The following DOHH variants were observed in gnomAD, a reference collection of about 807,000 sequenced individuals.
DOHH encodes the protein HEAT-like (PBS lyase) repeat containing 1.
Under a neutral mutation model 19.9 loss-of-function variants are expected in DOHH, and 16 were observed. That is an observed-to-expected ratio of 0.80 (90% confidence interval 0.54 to 1.22). The LOEUF (loss-of-function observed/expected upper bound fraction) is 1.22, where lower values mean the gene tolerates loss of function less well. DOHH is among the 50% of genes most tolerant of loss of function. DOHH has a pLI of 0.00. For synonymous variants in DOHH, 233 were observed against 217.0 expected (o/e 1.07, Z -0.65); for missense variants, 460 against 460.6 (o/e 1.00, Z 0.01).
At chr19:3,498,615 G>C (rs2082927378) in intron 1 of DOHH, among the ~76,000 whole-genome samples, 1 of 152,108 alleles carries the variant, frequency 6.6e-6, no homozygotes, top group African/African-American at 2.4e-5. Context: ...ATGTTGGTCA[G>C]GCTGGTCTCG....
chr19:3,497,912 T>G (rs913682595), intron 1 of DOHH, among the ~76,000 whole-genome samples: 4 of 152,192 alleles, frequency 2.6e-5, no homozygotes, highest in African/African-American at 9.7e-5. Flanking sequence ...ATTACAGGCA[T>G]CAGCCACTAC....
rs1183468032 is a variant in DOHH at position 3,491,529 on chromosome 19, G to A, written c.872C>T (p.Ala291Val). Residue 291 changes from alanine to valine, a missense_variant, in exon 5 of 5, where the codon GCG (alanine) becomes GTG (valine). Coordinates refer to ENST00000427575, the MANE Select transcript of DOHH (RefSeq NM_001145165.2). The surrounding 1 kb of genome is among the most constrained non-coding windows in gnomAD (Gnocchi z 5.6). ...EHETGRAFQY[A>V]DGLEQLRGAP... ...CCCGCGCAGCTGCTCCAGGCCGTCCGCGTACTGGAAGGCCCGCCCGGTCTC... is the reference window on the plus strand; with the variant it reads ...CCCGCGCAGCTGCTCCAGGCCGTCCACGTACTGGAAGGCCCGCCCGGTCTC... 2.0e-6 allele frequency: 3 copies of A among 1,535,490 alleles called. No homozygotes were observed. The highest frequency in any genetic ancestry group is 2.0e-5 in the Admixed American group (1 of 50,974).
At chr19:3,493,755 A>AG (rs1398822944) in intron 3 of DOHH, among the ~76,000 whole-genome samples, 2 of 152,046 alleles carry the variant, frequency 1.3e-5, no homozygotes, top group Non-Finnish European at 2.9e-5. Flanking sequence ...GTTCAGAGAA[A>AG]GGGGGTCAGG....
intron 1 of DOHH, among the ~76,000 whole-genome samples, chr19:3,498,584 T>C (rs1259750011): frequency 6.6e-6 from 1 of 152,134 alleles, no homozygotes; most frequent in Non-Finnish European, 1.5e-5. Context: ...TTTGTATTTT[T>C]AGTAGAGACA....
intron 2 of DOHH, among the ~76,000 whole-genome samples, chr19:3,495,795 T>C (rs1257005586): frequency 6.6e-6 from 1 of 151,724 alleles, no homozygotes; most frequent in African/African-American, 2.4e-5. Context: ...TGTAACGCTA[T>C]CTACTTGGGA....
chr19:3,491,712 G>A lies in DOHH; in HGVS notation c.689C>T (p.Ala230Val), dbSNP rs1299780428. The change falls in exon 5 of 5, where the codon GCC becomes GTC. Residue 230 changes from alanine to valine, a missense_variant. Physicochemically the swap from Ala to Val is moderately conservative, Grantham distance 64. Coordinates refer to ENST00000427575, the MANE Select transcript of DOHH (RefSeq NM_001145165.2). This position sits in a 1 kb window ranked among gnomAD's most constrained non-coding sequence, Gnocchi z 5.6. The stretch of plus-strand genomic sequence containing the variant: ...CACCATGGGGTTCTCGGTGCATCGG[G>A]CCAGGGCGGCCGCCAGCTGGGGCAC... The part of the protein sequence containing the change: ...AAVPQLAAAL[A>V]RCTENPMVRH... 6 of 1,515,280 alleles carry A rather than the reference G, an allele frequency of 4.0e-6. No homozygotes were observed. The East Asian group carries it at 1.3e-4, about 32-fold the overall frequency. 93.9% of individuals were successfully genotyped at this position (1,515,280 alleles called of 1,614,324 possible). A position where few individuals can be genotyped will look rare whatever the true frequency, so the allele number is the denominator to read the frequency against.
In DOHH at chr19:3,494,011, A is replaced by C. The variant is rs747198722; in HGVS notation, c.351+17T>G. ...GGGACCCGAGACTGGCAGGGAGACA[A>C]GCAGGGGCCTGGTTACCTCGATGAC... On this transcript the variant is annotated intron_variant, in intron 3 of 4. Coordinates refer to ENST00000427575, the MANE Select transcript of DOHH (RefSeq NM_001145165.2). 3.7e-6 allele frequency: 6 copies of C among 1,610,516 alleles called. No individual in the cohort carries two copies. In the Admixed American group the frequency reaches 6.7e-5, roughly 18 times the overall value.
chr19:3,492,337 G>A lies in DOHH; in HGVS notation c.514C>T (p.Leu172Phe). The A allele has an allele frequency of 6.5e-7, 1 of 1,543,468 alleles. No homozygotes were observed. Residue 172 changes from leucine (L) to phenylalanine (F), a missense_variant, in exon 4 of 5, where the codon CTC (leucine) becomes TTC (phenylalanine). Coordinates refer to ENST00000427575, the MANE Select transcript of DOHH (RefSeq NM_001145165.2). ...REALLDESRP[L>F]FERYRAMFAL... Reference sequence around the variant, plus strand: ...AACATGGCGCGGTATCGCTCGAAGAGCGGCCGGGACTCATCCAGCAGCGCC... The same window carrying A: ...AACATGGCGCGGTATCGCTCGAAGAACGGCCGGGACTCATCCAGCAGCGCC...
chr19:3,496,667 C>T lies in DOHH; in HGVS notation c.148G>A (p.Asp50Asn), dbSNP rs367741024. 5.6e-6 allele frequency: 9 copies of T among 1,613,848 alleles called. No homozygotes were observed. Among genetic ancestry groups the T allele is most frequent in the Admixed American group, 3.3e-5 (2 of 59,998 alleles). ...IAWISQAFDD[D>N]SALLKHELAY... ...AGCTCGTGCTTGAGCAGGGCGGAAT[C>T]GTCATCGAAGGCCTGGCTGATCCAT... Residue 50 changes from aspartate to asparagine, a missense_variant, in exon 2 of 5, where the codon GAT (aspartate) becomes AAT (asparagine). Asp to Asn is a conservative substitution (Grantham distance 23, BLOSUM62 1). Coordinates refer to ENST00000427575, the MANE Select transcript of DOHH (RefSeq NM_001145165.2). This position sits in a 1 kb window ranked among gnomAD's most constrained non-coding sequence, Gnocchi z 4.8.
At chr19:3,494,506 C>CA (rs1382399151) in intron 2 of DOHH, among the ~76,000 whole-genome samples, 2 of 151,990 alleles carry the variant, frequency 1.3e-5, no homozygotes, top group Non-Finnish European at 2.9e-5. Flanking sequence ...GACCCTGTCT[C>CA]AAAAAAACAA....
chr19:3,496,632 G>A lies in DOHH; in HGVS notation c.183C>T (p.Cys61=). The change falls in exon 2 of 5, where the codon TGC becomes TGT. Residue 61 remains cysteine (C), a synonymous_variant. Transcript: ENST00000427575. The surrounding 1 kb of genome is among the most constrained non-coding windows in gnomAD (Gnocchi z 4.8). ...CGCGGGCATCCTGCATCTGGCCCAG[G>A]CAGTAGGCCAGCTCGTGCTTGAGCA... ...SALLKHELAY[C]LGQMQDARAI... is the part of the protein sequence containing the mutation. The A allele has an allele frequency of 6.2e-7, 1 of 1,614,040 alleles. No homozygotes were observed. Among genetic ancestry groups the A allele is most frequent in the Non-Finnish European group, 8.5e-7 (1 of 1,180,038 alleles).
chr19:3,492,384 C>G lies in DOHH; in HGVS notation c.467G>C (p.Arg156Pro). Reference sequence around the variant, plus strand: ...CGCCTCCCGCAGGCGCCCCACGTCACGCTCCTCAGCCGGCGGGGCAGGGTC... The same window carrying G: ...CGCCTCCCGCAGGCGCCCCACGTCAGGCTCCTCAGCCGGCGGGGCAGGGTC... ...SVDPAPPAEERDVGRLREALL... is the reference protein window; with the variant it reads ...SVDPAPPAEEPDVGRLREALL... The change falls in exon 4 of 5, where the codon CGT becomes CCT. Residue 156 changes from arginine (R) to proline (P), a missense_variant. Physicochemically the swap from Arg to Pro is moderately radical, Grantham distance 103 (BLOSUM62 -2). Coordinates refer to ENST00000427575, the MANE Select transcript of DOHH (RefSeq NM_001145165.2). 6.5e-7 allele frequency: 1 copy of G among 1,535,390 alleles called. No individual in the cohort carries two copies. Among genetic ancestry groups the G allele is most frequent in the Admixed American group, 2.0e-5 (1 of 51,228 alleles).
Position 3,491,293 on chromosome 19 carries a change from G to A in DOHH, c.*199C>T, listed in dbSNP as rs1432744912. 3.2e-6 allele frequency: 2 copies of A among 622,852 alleles called. No individual in the cohort carries two copies. Among genetic ancestry groups the A allele is most frequent in the Non-Finnish European group, 5.5e-6 (2 of 364,962 alleles). The allele number at this position is 622,852 out of a possible 1,614,324, so 38.6% of individuals were successfully genotyped here. On this transcript the variant is annotated 3_prime_UTR_variant, in exon 5 of 5. Transcript: ENST00000427575. The surrounding 1 kb of genome is among the most constrained non-coding windows in gnomAD (Gnocchi z 5.6). ...GCTACAGCCCTGCGCCAGGCCCCGA[G>A]GAGCAGTCAGGGGACTCAGGGAGTC...
Position 3,496,709 on chromosome 19 carries a change from C to T in DOHH, c.106G>A (p.Gly36Ser), listed in dbSNP as rs751828553. Reference protein sequence around the residue: ...RALFTLRGLGGPGAIAWISQA... With the variant: ...RALFTLRGLGSPGAIAWISQA... ...CTGATCCATGCAATGGCGCCTGGGCCGCCGAGCCCACGCAGCGTGAACAGC... is the reference window on the plus strand; with the variant it reads ...CTGATCCATGCAATGGCGCCTGGGCTGCCGAGCCCACGCAGCGTGAACAGC... The change falls in exon 2 of 5, where the codon GGC becomes AGC. Residue 36 changes from glycine to serine, a missense_variant. Transcript: ENST00000427575. This position sits in a 1 kb window ranked among gnomAD's most constrained non-coding sequence, Gnocchi z 4.8. 9.3e-6 allele frequency: 15 copies of T among 1,613,342 alleles called. No individual in the cohort carries two copies. The highest frequency in any genetic ancestry group is 4.5e-5 in the East Asian group (2 of 44,892).
chr19:3,492,320 G>T lies in DOHH; in HGVS notation c.531C>A (p.Arg177=). The change falls in exon 4 of 5, where the codon CGC becomes CGA. Residue 177 remains arginine (R), a synonymous_variant. Coordinates refer to ENST00000427575, the MANE Select transcript of DOHH (RefSeq NM_001145165.2). ...DESRPLFERY[R]AMFALRNAGG... Reference sequence around the variant, plus strand: ...CCGCGTTGCGCAGGGCGAACATGGCGCGGTATCGCTCGAAGAGCGGCCGGG... The same window carrying T: ...CCGCGTTGCGCAGGGCGAACATGGCTCGGTATCGCTCGAAGAGCGGCCGGG... The T allele has an allele frequency of 1.3e-6, 2 of 1,544,670 alleles. No homozygotes were observed. Among genetic ancestry groups the T allele is most frequent in the Non-Finnish European group, 8.7e-7 (1 of 1,153,172 alleles).
intron 1 of DOHH, among the ~76,000 whole-genome samples, chr19:3,497,584 T>C (rs1160117718): frequency 1.3e-5 from 2 of 152,150 alleles, no homozygotes; most frequent in Admixed American, 6.5e-5. Flanking sequence ...CCAGAGCAAC[T>C]GTGTGCGACA....
chr19:3,491,709 C>A lies in DOHH; in HGVS notation c.692G>T (p.Arg231Leu). 1.3e-6 allele frequency: 2 copies of A among 1,511,112 alleles called. No homozygotes were observed. The highest frequency in any genetic ancestry group is 2.4e-5 in the Admixed American group (1 of 42,086). The allele number at this position is 1,511,112 out of a possible 1,614,324, so 93.6% of individuals were successfully genotyped here. A position where few individuals can be genotyped will look rare whatever the true frequency, so the allele number is the denominator to read the frequency against. The change falls in exon 5 of 5, where the codon CGA becomes CTA. Residue 231 changes from arginine to leucine, a missense_variant. Arg to Leu is a moderately radical substitution (Grantham distance 102). Transcript: ENST00000427575. This position sits in a 1 kb window ranked among gnomAD's most constrained non-coding sequence, Gnocchi z 5.6. ...AVPQLAAALARCTENPMVRHE... is the reference protein window; with the variant it reads ...AVPQLAAALALCTENPMVRHE... ...CCGCACCATGGGGTTCTCGGTGCATCGGGCCAGGGCGGCCGCCAGCTGGGG... is the reference window on the plus strand; with the variant it reads ...CCGCACCATGGGGTTCTCGGTGCATAGGGCCAGGGCGGCCGCCAGCTGGGG...
At position 3,497,693 on chromosome 19, in the gene DOHH, C is replaced by T. The variant is rs574663014; in HGVS notation, c.-72-807G>A. The stretch of plus-strand genomic sequence containing the variant: ...AGGCTGGAGTACGGCAGCATGATCA[C>T]GGCTCACTGTAGCCTCGAACTCCCA... On this transcript the variant is annotated intron_variant, in intron 1 of 4. Coordinates refer to ENST00000427575, the MANE Select transcript of DOHH (RefSeq NM_001145165.2). 2.0e-3 allele frequency among the ~76,000 whole-genome samples: 301 copies of T among 152,324 alleles called. 2 individuals are homozygous for T. The highest frequency in any genetic ancestry group is 6.9e-3 in the African/African-American group (287 of 41,576).
intron 3 of DOHH, among the ~76,000 whole-genome samples, chr19:3,493,486 T>TA (rs2082885999): frequency 6.6e-6 from 1 of 151,692 alleles, no homozygotes; most frequent in Non-Finnish European, 1.5e-5. Flanking sequence ...GGCAGGCGCC[T>TA]GTAGTCCCAG....
Sources: gnomAD v4.1 joint callset for allele counts (sites outside exome capture counted in the v4.1 genomes callset) on GRCh38, gnomAD v4.1.1 for gene constraint, Gnocchi (gnomAD v3.1) non-coding constraint, MANE v1.5 for transcripts, NCBI Gene and HGNC (gene_info 2026-07-23, HGNC 2026-07-21) for gene names.